The following PRTG variants were observed in gnomAD, a reference collection of about 807,000 sequenced individuals.
The protein encoded by PRTG is protogenin.
A neutral mutation model predicts 122.5 loss-of-function variants in PRTG; 67 were observed. The observed-to-expected ratio is 0.55, with a 90% CI of 0.45 to 0.67. The LOEUF (loss-of-function observed/expected upper bound fraction) is 0.67. Ranked by LOEUF, PRTG falls within the 30% of genes least tolerant of loss-of-function variation. PRTG has a pLI of 0.00. For synonymous variants in PRTG, 554 were observed against 501.1 expected, an observed-to-expected ratio of 1.11 and a Z score of -1.41; for missense variants, 1,435 against 1,415.4, an observed-to-expected ratio of 1.01 and a Z score of -0.22.
At chr15:55,684,664 T>C (rs905933502) in intron 2 of PRTG, among the ~76,000 whole-genome samples, 6 of 151,130 alleles carry the variant, frequency 4.0e-5, no homozygotes, top group South Asian at 2.1e-4. Flanking sequence ...AAAAGTCCAA[T>C]AGGCTATTAA....
intron 11 of PRTG, among the ~76,000 whole-genome samples, chr15:55,648,365 G>A (rs1022775530): frequency 2.6e-5 from 4 of 152,120 alleles, no homozygotes; most frequent in Admixed American, 1.3e-4. Context: ...AGTTGTACTC[G>A]TCAACAACTT....
At chr15:55,742,674 G>A (rs916052269) in intron 1 of PRTG, 164 bp downstream of exon 1, 14 of 786,268 alleles carry the variant, frequency 1.8e-5, no homozygotes, top group Non-Finnish European at 2.6e-5. Flanking sequence ...TGCAGCTGGC[G>A]GTTCCGGACA....
intron 2 of PRTG, among the ~76,000 whole-genome samples, chr15:55,685,172 G>T (rs749779881): frequency 8.5e-5 from 13 of 152,112 alleles, no homozygotes; most frequent in Non-Finnish European, 1.8e-4. Flanking sequence ...TTATGAAGAA[G>T]AATAGAGGTA....
intron 11 of PRTG, among the ~76,000 whole-genome samples, chr15:55,644,385 A>G (rs1399719220): frequency 6.6e-6 from 1 of 152,150 alleles, no homozygotes. Context: ...CTACCATGCA[A>G]ACAACTTCAA....
chr15:55,729,068 A>G (rs1410962787), intron 2 of PRTG, among the ~76,000 whole-genome samples: 1 of 152,152 alleles, frequency 6.6e-6, no homozygotes. Flanking sequence ...TGAAAACTAC[A>G]AACAGTATCA....
intron 2 of PRTG, among the ~76,000 whole-genome samples, chr15:55,725,619 C>T (rs1264230786): frequency 1.3e-5 from 2 of 151,654 alleles, no homozygotes; most frequent in Non-Finnish European, 2.9e-5. Context: ...GGGTGAAAGA[C>T]ATACAGAAAA....
rs899478167 is a variant in PRTG at position 55,616,631 on chromosome 15, T to G, written c.*3381A>C. ...AGACTGTGTTCCGAAGAGACATGTT[T>G]GGTTTAACATAAAAACAAGAAACAA... On this transcript the variant is annotated 3_prime_UTR_variant, in exon 20 of 20. Transcript: ENST00000389286. 6.6e-6 allele frequency: 1 copy of G among 152,184 alleles called. No homozygotes were observed. Among genetic ancestry groups the G allele is most frequent in the African/African-American group, 2.4e-5 (1 of 41,452 alleles). 9.4% of individuals were successfully genotyped at this position (152,184 alleles called of 1,614,324 possible).
In PRTG at chr15:55,612,908, G is replaced by A. The variant is rs987381207; in HGVS notation, c.*7104C>T. 2 of 151,460 alleles carry A rather than the reference G, an allele frequency of 1.3e-5. No individual in the cohort carries two copies. Among genetic ancestry groups the A allele is most frequent in the South Asian group, 2.1e-4 (1 of 4,790 alleles). 9.4% of individuals were successfully genotyped at this position (151,460 alleles called of 1,614,324 possible). A position where few individuals can be genotyped will look rare whatever the true frequency, so the allele number is the denominator to read the frequency against. On this transcript the variant is annotated 3_prime_UTR_variant, in exon 20 of 20. Coordinates refer to ENST00000389286, the MANE Select transcript of PRTG (RefSeq NM_173814.6). ...TTCTATTGGTTTTGTGTATGCGTAC[G>A]GGAGATGCAAACATTTTTCATTTCA...
At chr15:55,624,315 T>A in intron 18 of PRTG, 27 bp downstream of exon 18, 1 of 1,607,118 alleles carries the variant, frequency 6.2e-7, no homozygotes, top group African/African-American at 1.3e-5. Flanking sequence ...AAGAACGGCT[T>A]ATGCAGCAAA....
At position 55,638,672 on chromosome 15, in the gene PRTG, C is replaced by T. The variant is rs767623506; in HGVS notation, c.2329G>A (p.Glu777Lys). Residue 777 changes from glutamate to lysine, a missense_variant, in exon 14 of 20, where the codon GAA (glutamate) becomes AAA (lysine). Physicochemically the swap from Glu to Lys is moderately conservative, Grantham distance 56 (BLOSUM62 1). Coordinates refer to ENST00000389286, the MANE Select transcript of PRTG (RefSeq NM_173814.6). ...ASLVLYLQTS[E>K]THMLVQGLEP... The stretch of plus-strand genomic sequence containing the variant: ...AGACCTTGAACCAACATGTGAGTTT[C>T]TGATCTATAATAACGAGTGATGAAG... 2 of 1,611,958 alleles carry T rather than the reference C, an allele frequency of 1.2e-6. No individual in the cohort carries two copies. The highest frequency in any genetic ancestry group is 1.7e-6 in the Non-Finnish European group (2 of 1,179,246).
chr15:55,689,525 T>C (rs868846069), intron 2 of PRTG, among the ~76,000 whole-genome samples: 1 of 150,810 alleles, frequency 6.6e-6, no homozygotes, highest in South Asian at 2.1e-4. Flanking sequence ...TTAGGAGAAA[T>C]ACCTAATGTA....
chr15:55,699,960 G>A (rs2059652956), intron 2 of PRTG, among the ~76,000 whole-genome samples: 1 of 152,062 alleles, frequency 6.6e-6, no homozygotes, highest in African/African-American at 2.4e-5. Context: ...TTTATGAAAA[G>A]GCAAAGGACC....
At chr15:55,730,149 T>A (rs2031179987) in intron 2 of PRTG, among the ~76,000 whole-genome samples, 3 of 152,134 alleles carry the variant, frequency 2.0e-5, no homozygotes, top group Admixed American at 2.0e-4. Flanking sequence ...TTGCCCATAC[T>A]GGAGTGCAGC....
At chr15:55,728,055 G>C (rs1429711822) in intron 2 of PRTG, among the ~76,000 whole-genome samples, 1 of 151,904 alleles carries the variant, frequency 6.6e-6, no homozygotes, top group Non-Finnish European at 1.5e-5. Context: ...TAGTAGAGAC[G>C]GGGTCTCACC....
intron 2 of PRTG, among the ~76,000 whole-genome samples, chr15:55,728,109 G>A (rs1043155520): frequency 2.0e-5 from 3 of 151,952 alleles, no homozygotes; most frequent in South Asian, 4.2e-4. Context: ...CAGGCAATCC[G>A]CCCACCTCGG....
rs182000372 is a variant in PRTG, at chr15:55,694,784, C to T, written c.398-10853G>A. Among the ~76,000 whole-genome samples, 23 of 152,256 alleles carry T rather than the reference C, an allele frequency of 1.5e-4. 1 individual carries two copies. The highest frequency in any genetic ancestry group is 6.5e-4 in the Admixed American group (10 of 15,284). ...TTTTGCATTTATTTAAATGGGAAAA[C>T]ACCTCATGTCCTATGCAAATCTCAG... is the stretch of plus-strand genomic sequence containing the variant. On this transcript the variant is annotated intron_variant, in intron 2 of 19. Coordinates refer to ENST00000389286, the MANE Select transcript of PRTG (RefSeq NM_173814.6).
chr15:55,701,109 C>T (rs2059660901), intron 2 of PRTG, among the ~76,000 whole-genome samples: 1 of 152,182 alleles, frequency 6.6e-6, no homozygotes, highest in African/African-American at 2.4e-5. Context: ...AAATCCAAAA[C>T]ACTGCCAATA....
Position 55,742,847 on chromosome 15 carries a change from G to C in PRTG, c.85C>G (p.Pro29Ala), listed in dbSNP as rs942175147. 1 of 1,541,196 alleles carries C rather than the reference G, an allele frequency of 6.5e-7. No homozygotes were observed. The highest frequency in any genetic ancestry group is 1.2e-5 in the South Asian group (1 of 83,816). Residue 29 changes from proline to alanine, a missense_variant, in exon 1 of 20, where the codon CCT becomes GCT. Pro to Ala is a conservative substitution (Grantham distance 27). Coordinates refer to ENST00000389286, the MANE Select transcript of PRTG (RefSeq NM_173814.6). ...AAGAAAGCGCGCCCACCTGGCAAAGGACTGAGCAGCAGCAGGAGCAGGAGC... is the reference window on the plus strand; with the variant it reads ...AAGAAAGCGCGCCCACCTGGCAAAGCACTGAGCAGCAGCAGGAGCAGGAGC... ...RALLLLLLLS[P>A]LPGVWCFSEL...
intron 11 of PRTG, among the ~76,000 whole-genome samples, chr15:55,669,057 A>G (rs575201202): frequency 3.3e-5 from 5 of 152,188 alleles, no homozygotes; most frequent in Admixed American, 6.5e-5. Context: ...ATTGAAATAC[A>G]TAAGTTCATT....
Sources: allele counts gnomAD v4.1 joint callset (sites outside exome capture counted in the v4.1 genomes callset), GRCh38; gene constraint gnomAD v4.1.1; transcripts MANE v1.5; gene names NCBI Gene and HGNC (gene_info 2026-07-23, HGNC 2026-07-21).